ARMC2: variants seen among roughly 807,000 people sequenced by gnomAD.
The protein encoded by ARMC2 is armadillo repeat-containing protein 2.
A neutral mutation model predicts 90.3 loss-of-function variants in ARMC2; 67 were observed. The ratio of observed to expected loss-of-function variants is 0.74; its 90% CI spans 0.61 to 0.91. ARMC2 has a LOEUF of 0.91. Among genes scored for constraint, ARMC2 ranks in the 40% least tolerant of loss-of-function variants. The pLI, the probability that ARMC2 is intolerant of heterozygous loss-of-function variation, is 0.00. For synonymous variants in ARMC2, 393 were observed against 393.0 expected, an observed-to-expected ratio of 1.00 and a Z score of 0.00; for missense variants, 920 against 1,030.9, an observed-to-expected ratio of 0.89 and a Z score of 1.47.
the ARMC2 span, among the ~76,000 whole-genome samples, chr6:109,039,569 A>G: frequency 6.6e-6 from 1 of 152,244 alleles, no homozygotes; most frequent in South Asian, 2.1e-4. Flanking sequence ...GGCTATCTTT[A>G]TCTTGATAAG....
chr6:109,045,757 T>C, the ARMC2 span, among the ~76,000 whole-genome samples: 7 of 152,306 alleles, frequency 4.6e-5, no homozygotes, highest in East Asian at 1.2e-3. Context: ...TACTAGTATA[T>C]ACCATAACTG....
chr6:109,022,411 C>CTTT, the ARMC2 span, among the ~76,000 whole-genome samples: 33 of 65,882 alleles, frequency 5.0e-4, 1 homozygote, highest in South Asian at 6.0e-4. Context: ...TGTTCTAAAG[C>CTTT]TTTTTTTTTT....
At chr6:108,864,600 CGT>C (rs1420037824) in intron 3 of ARMC2, among the ~76,000 whole-genome samples, 1 of 151,958 alleles carries the variant, frequency 6.6e-6, no homozygotes, top group African/African-American at 2.4e-5. Context: ...TCTTTTGTTG[CGT>C]GTGTGTGTTT....
the ARMC2 span, among the ~76,000 whole-genome samples, chr6:108,985,334 T>G: frequency 1.3e-5 from 2 of 152,130 alleles, no homozygotes; most frequent in Non-Finnish European, 1.5e-5. Context: ...ACCAGAAATC[T>G]TCTCATGATT....
chr6:108,914,819 T>A (rs991696804), intron 10 of ARMC2, among the ~76,000 whole-genome samples: 3 of 152,166 alleles, frequency 2.0e-5, no homozygotes, highest in Admixed American at 2.0e-4. Context: ...CCTCTGCTTT[T>A]GTGAATGTGT....
intron 11 of ARMC2, among the ~76,000 whole-genome samples, chr6:108,933,282 C>G (rs1005806899): frequency 6.6e-6 from 1 of 152,080 alleles, no homozygotes; most frequent in African/African-American, 2.4e-5. Flanking sequence ...AGATCTTTCA[C>G]CTCCCTGGTT....
rs1350336122 is a variant in ARMC2 at position 108,868,901 on chromosome 6, G to A, written c.369G>A (p.Ala123=). Reference sequence around the variant, plus strand: ...TTCCTAAGCCCCCAGTGGACCCTGCGAAGATTAGAAGAGTAAGCAACGCCA... The same window carrying A: ...TTCCTAAGCCCCCAGTGGACCCTGCAAAGATTAGAAGAGTAAGCAACGCCA... The part of the protein sequence containing the change: ...FSFPKPPVDP[A]KIRRVSNARA... The change falls in exon 4 of 18, where the codon GCG becomes GCA. Residue 123 remains alanine, a synonymous_variant. Coordinates refer to ENST00000392644, the MANE Select transcript of ARMC2 (RefSeq NM_032131.6). 3 of 1,613,958 alleles carry A rather than the reference G, an allele frequency of 1.9e-6. No homozygotes were observed. The highest frequency in any genetic ancestry group is 1.1e-5 in the South Asian group (1 of 91,070).
At chr6:108,981,526 T>C in the ARMC2 span, among the ~76,000 whole-genome samples, 1 of 152,202 alleles carries the variant, frequency 6.6e-6, no homozygotes, top group South Asian at 2.1e-4. Flanking sequence ...TTTCCATTTC[T>C]ATGAATTTGA....
At chr6:108,907,477 T>TTTTTTTTTTTTTTTA (rs58992504) in intron 8 of ARMC2, 2 of 330,238 alleles carry the variant, frequency 6.1e-6, no homozygotes, top group Non-Finnish European at 5.2e-6. Context: ...TTTTTTTTTT[T>TTTTTTTTTTTTTTTA]ACCAGTCATC....
the ARMC2 span, chr6:109,001,385 T>G: frequency 6.2e-7 from 1 of 1,613,860 alleles, no homozygotes; most frequent in African/African-American, 1.3e-5. Context: ...ATATTGTGGG[T>G]GGAAAACCAT....
chr6:108,912,566 T>G lies in ARMC2; in HGVS notation c.1350+8T>G. On this transcript the variant is annotated splice_region_variant and intron_variant, in intron 10 of 17. Transcript: ENST00000392644. The stretch of plus-strand genomic sequence containing the variant: ...GGCCACTTGCTAGTCCAGGTAAGTA[T>G]TTTACTTGAAAACGTTAGATGTGTA... 6.3e-7 allele frequency: 1 copy of G among 1,599,280 alleles called. No homozygotes were observed. The highest frequency in any genetic ancestry group is 1.7e-5 in the Admixed American group (1 of 58,692).
rs760744732 is a variant in ARMC2, at chr6:108,876,299, A to G, written c.620A>G (p.Gln207Arg). 3.1e-6 allele frequency: 5 copies of G among 1,612,858 alleles called. No individual in the cohort carries two copies. The South Asian group carries it at 4.4e-5, about 14-fold the overall frequency. ...GGAGGCTTCAGTGAAATAAAGGAGC[A>G]AGAAATGTTCAAAGGAACAACATCT... ...DDGGFSEIKE[Q>R]EMFKGTTSLP... The change falls in exon 5 of 18, where the codon CAA becomes CGA. Residue 207 changes from glutamine to arginine, a missense_variant. Transcript: ENST00000392644.
intron 7 of ARMC2, among the ~76,000 whole-genome samples, chr6:108,901,385 G>T (rs1406448433): frequency 1.3e-5 from 2 of 148,986 alleles, no homozygotes; most frequent in Non-Finnish European, 3.0e-5. Context: ...AAAGTGCTGG[G>T]ATTACAGGCA....
intron 12 of ARMC2, 48 bp from the exon 13 acceptor site, chr6:108,952,985 T>C (rs1295107934): frequency 6.1e-6 from 9 of 1,481,086 alleles, no homozygotes; most frequent in Non-Finnish European, 8.3e-6. Flanking sequence ...CCCCACGATG[T>C]GTTCCAGCCC....
chr6:109,017,527 C>T, the ARMC2 span, among the ~76,000 whole-genome samples: 4 of 152,106 alleles, frequency 2.6e-5, no homozygotes, highest in Admixed American at 6.5e-5. Context: ...CCTCGTGATC[C>T]GCCTGCCTTG....
At chr6:108,959,146 C>T (rs1777802792) in intron 13 of ARMC2, among the ~76,000 whole-genome samples, 4 of 152,280 alleles carry the variant, frequency 2.6e-5, no homozygotes, top group Middle Eastern at 6.8e-3. Context: ...TAAGTGTCTA[C>T]CAGGTACTGG....
chr6:108,966,573 A>C (rs776279486), intron 17 of ARMC2, among the ~76,000 whole-genome samples: 27 of 152,218 alleles, frequency 1.8e-4, no homozygotes, highest in Non-Finnish European at 3.4e-4. Flanking sequence ...TGGTTTTTCC[A>C]GGTAAATATA....
chr6:108,893,985 G>A (rs1002303102), intron 5 of ARMC2, among the ~76,000 whole-genome samples: 1 of 152,100 alleles, frequency 6.6e-6, no homozygotes, highest in African/African-American at 2.4e-5. Flanking sequence ...GCAAGACTTC[G>A]TCTCAAAAAC....
At chr6:108,979,704 T>A in the ARMC2 span, among the ~76,000 whole-genome samples, 4 of 152,004 alleles carry the variant, frequency 2.6e-5, no homozygotes, top group African/African-American at 7.2e-5. Context: ...TTCATTCTTT[T>A]TTCTCTAATC....
Sources: gnomAD v4.1 joint callset for allele counts (sites outside exome capture counted in the v4.1 genomes callset) on GRCh38, gnomAD v4.1.1 for gene constraint, MANE v1.5 for transcripts, NCBI Gene and HGNC (gene_info 2026-07-23, HGNC 2026-07-21) for gene names.